Variants in VAV2 observed in about 807,000 individuals in gnomAD.
The protein encoded by VAV2 is vav guanine nucleotide exchange factor 2, also known as guanine nucleotide exchange factor VAV2.
Under a neutral mutation model 132.5 loss-of-function variants are expected in VAV2, and 67 were observed. That is an observed-to-expected ratio of 0.51 (90% CI 0.42 to 0.62). The LOEUF is 0.62. Among genes scored for constraint, VAV2 ranks in the 20% least tolerant of loss-of-function variants. The pLI is 0.00. For missense variants in VAV2, 938 were observed against 1,153.6 expected (o/e 0.81, Z 2.71); for synonymous variants, 492 against 443.5 (o/e 1.11, Z -1.37).
At chr9:133,869,539 G>C (rs1837944125) in intron 2 of VAV2, among the ~76,000 whole-genome samples, 1 of 152,156 alleles carries the variant, frequency 6.6e-6, no homozygotes, top group African/African-American at 2.4e-5. Flanking sequence ...AAGCCCAGGA[G>C]GTCGAAGCTG....
rs927411415 is a variant in VAV2, at chr9:133,961,528, C to A, written c.205-22309G>T. The stretch of plus-strand genomic sequence containing the variant: ...GAGGCATGGAGGGAGCCCTTTCCCA[C>A]CCCCCGCTCAACAGGAACACAGCTG... On this transcript the variant is annotated intron_variant, in intron 1 of 29. Coordinates refer to ENST00000371850, the MANE Select transcript of VAV2 (RefSeq NM_001134398.2). The surrounding 1 kb of genome is among the most constrained non-coding windows in gnomAD (Gnocchi z 4.1). 1.3e-5 allele frequency among the ~76,000 whole-genome samples: 2 copies of A among 152,114 alleles called. No individual in the cohort carries two copies. Among genetic ancestry groups the A allele is most frequent in the Admixed American group, 1.3e-4 (2 of 15,268 alleles).
intron 23 of VAV2, among the ~76,000 whole-genome samples, chr9:133,776,872 G>C (rs904715794): frequency 6.6e-6 from 1 of 152,210 alleles, no homozygotes; most frequent in Non-Finnish European, 1.5e-5. Flanking sequence ...CGGGGTGGAG[G>C]TGGGGTAACT....
chr9:133,885,505 G>C lies in VAV2; in HGVS notation c.322-24073C>G, dbSNP rs1838668292. On this transcript the variant is annotated intron_variant, in intron 2 of 29. Transcript: ENST00000371850. The surrounding 1 kb of genome is among the most constrained non-coding windows in gnomAD (Gnocchi z 5.0). ...GCCTGCCACTGTGGACTCTGCAAGT[G>C]TCGTATTTACTAATAATGGTGCACC... Among the ~76,000 whole-genome samples, 1 of 152,224 alleles carries C rather than the reference G, an allele frequency of 6.6e-6. No homozygotes were observed. Among genetic ancestry groups the C allele is most frequent in the South Asian group, 2.1e-4 (1 of 4,836 alleles).
At chr9:133,920,933 G>A (rs796068091) in intron 2 of VAV2, among the ~76,000 whole-genome samples, 28 of 152,366 alleles carry the variant, frequency 1.8e-4, no homozygotes, top group African/African-American at 6.3e-4. Flanking sequence ...CTGGCCCTGA[G>A]TGCCCTCCGT....
At chr9:133,856,112 G>A (rs1238099522) in intron 3 of VAV2, among the ~76,000 whole-genome samples, 2 of 152,220 alleles carry the variant, frequency 1.3e-5, no homozygotes, top group East Asian at 3.9e-4. Context: ...CAAACAGAAA[G>A]CAGGCTGGGG....
Position 133,833,859 on chromosome 9 carries a change from G to GC in VAV2, c.449+412dup. 6.6e-6 allele frequency among the ~76,000 whole-genome samples: 1 copy of GC among 152,188 alleles called. No homozygotes were observed. Among genetic ancestry groups the GC allele is most frequent in the East Asian group, 1.9e-4 (1 of 5,158 alleles). On this transcript the variant is annotated intron_variant, in intron 4 of 29. Coordinates refer to ENST00000371850, the MANE Select transcript of VAV2 (RefSeq NM_001134398.2). This position sits in a 1 kb window ranked among gnomAD's most constrained non-coding sequence, Gnocchi z 5.6. ...ACACACTCCTGTGCCCTGAACCTGCGCTCCAGGCAGCACCGCTCCCTCCTC... is the reference window on the plus strand; with the variant it reads ...ACACACTCCTGTGCCCTGAACCTGCGCCTCCAGGCAGCACCGCTCCCTCCTC...
intron 18 of VAV2, 61 bp from the exon 19 acceptor site, chr9:133,783,652 C>A (rs1588168382): frequency 1.3e-6 from 2 of 1,530,446 alleles, no homozygotes; most frequent in Non-Finnish European, 1.8e-6. Flanking sequence ...TGCCTCTCTG[C>A]CAAGGTCAAG....
intron 1 of VAV2, among the ~76,000 whole-genome samples, chr9:133,952,474 G>C (rs1178245670): frequency 6.6e-6 from 1 of 151,928 alleles, no homozygotes; most frequent in Non-Finnish European, 1.5e-5. Flanking sequence ...ATGGTGGCAC[G>C]CACCTGTAAT....
chr9:133,818,767 C>CT (rs1835669246), intron 4 of VAV2, among the ~76,000 whole-genome samples: 1 of 152,212 alleles, frequency 6.6e-6, no homozygotes, highest in Non-Finnish European at 1.5e-5. Flanking sequence ...GGGTTGGCTT[C>CT]TATTGACTCT....
rs1376631871 is a variant in VAV2 at position 133,797,800 on chromosome 9, G to C, written c.846C>G (p.Ile282Met). 6.2e-7 allele frequency: 1 copy of C among 1,613,870 alleles called. No homozygotes were observed. Among genetic ancestry groups the C allele is most frequent in the East Asian group, 2.2e-5 (1 of 44,884 alleles). ...CCATGTGGCTGCAGTACTCCCCGTA[G>C]ATCAGAAGCCTGGACGGTGCACACA... ...VFLDFKERLL[I>M]YGEYCSHMEH... Residue 282 changes from isoleucine to methionine, a missense_variant, in exon 10 of 30, where the codon ATC (isoleucine) becomes ATG (methionine). Physicochemically the swap from Ile to Met is conservative, Grantham distance 10. Coordinates refer to ENST00000371850, the MANE Select transcript of VAV2 (RefSeq NM_001134398.2).
chr9:133,802,323 T>C lies in VAV2; in HGVS notation c.836+3758A>G, dbSNP rs1033141670. On this transcript the variant is annotated intron_variant, in intron 9 of 29. Coordinates refer to ENST00000371850, the MANE Select transcript of VAV2 (RefSeq NM_001134398.2). This position sits in a 1 kb window ranked among gnomAD's most constrained non-coding sequence, Gnocchi z 5.8. ...GCACACAAACACACAAGCACGCGTG[T>C]ACACACACACACACACACACACACA... Among the ~76,000 whole-genome samples the C allele has an allele frequency of 7.0e-6, 1 of 142,096 alleles. No homozygotes were observed. Among genetic ancestry groups the C allele is most frequent in the African/African-American group, 2.6e-5 (1 of 38,388 alleles). The allele number at this position is 142,096 out of a possible 152,430, so 93.2% of individuals were successfully genotyped here.
rs1835906412 is a variant in VAV2 at position 133,824,394 on chromosome 9, C to A, written c.449+9878G>T. On this transcript the variant is annotated intron_variant, in intron 4 of 29. Coordinates refer to ENST00000371850, the MANE Select transcript of VAV2 (RefSeq NM_001134398.2). This position sits in a 1 kb window ranked among gnomAD's most constrained non-coding sequence, Gnocchi z 5.2. ...GACCAGGACCCTCCTAAAACCCCAG[C>A]CCAAAACGGCCCTCAGTTCCCGAGA... Among the ~76,000 whole-genome samples, 1 of 151,898 alleles carries A rather than the reference C, an allele frequency of 6.6e-6. No individual in the cohort carries two copies. Among genetic ancestry groups the A allele is most frequent in the South Asian group, 2.1e-4 (1 of 4,790 alleles).
At chr9:133,868,337 C>T (rs1039469290) in intron 2 of VAV2, among the ~76,000 whole-genome samples, 4 of 152,344 alleles carry the variant, frequency 2.6e-5, no homozygotes, top group African/African-American at 9.6e-5. Context: ...TCTTCTGGTT[C>T]TGGCCAGGAG....
At chr9:133,895,574 T>C in intron 2 of VAV2, among the ~76,000 whole-genome samples, 1 of 152,202 alleles carries the variant, frequency 6.6e-6, no homozygotes, top group Non-Finnish European at 1.5e-5. Context: ...GACATTCCAT[T>C]TATAGGAAGT....
chr9:133,940,441 G>A (rs1276663036), intron 1 of VAV2, among the ~76,000 whole-genome samples: 1 of 152,182 alleles, frequency 6.6e-6, no homozygotes, highest in Non-Finnish European at 1.5e-5. Context: ...GTGCACGTCA[G>A]AATCAGAGCC....
intron 29 of VAV2, among the ~76,000 whole-genome samples, chr9:133,766,751 T>TATAAATAA (rs1225645947): frequency 9.2e-4 from 62 of 67,380 alleles, no homozygotes; most frequent in Non-Finnish European, 1.5e-3. Flanking sequence ...GAACTTAAAG[T>TATAAATAA]ATAAATAAAT....
At chr9:133,783,785 C>T (rs953909618) in intron 18 of VAV2, among the ~76,000 whole-genome samples, 194 bp from the exon 19 acceptor site, 3 of 152,090 alleles carry the variant, frequency 2.0e-5, no homozygotes, top group African/African-American at 7.2e-5. Context: ...CCTACCTCCA[C>T]CAGCCTGCCT....
At chr9:133,866,970 C>A (rs766382760) in intron 2 of VAV2, among the ~76,000 whole-genome samples, 7 of 152,134 alleles carry the variant, frequency 4.6e-5, no homozygotes, top group African/African-American at 9.7e-5. Context: ...GCCTCCCCCT[C>A]GGAGCTGGGG....
chr9:133,776,582 C>T (rs1465917284), intron 23 of VAV2, among the ~76,000 whole-genome samples: 1 of 152,136 alleles, frequency 6.6e-6, no homozygotes, highest in East Asian at 1.9e-4. Context: ...TTCCCTCGCA[C>T]CCTATTCACC....
Sources: gnomAD v4.1 joint callset for allele counts (sites outside exome capture counted in the v4.1 genomes callset) on GRCh38, gnomAD v4.1.1 for gene constraint, Gnocchi (gnomAD v3.1) non-coding constraint, MANE v1.5 for transcripts, NCBI Gene and HGNC (gene_info 2026-07-23, HGNC 2026-07-21) for gene names.